The following CSGALNACT1 variants were observed in gnomAD, a reference collection of about 807,000 sequenced individuals.
The protein encoded by CSGALNACT1 is beta4GalNAcT-1.
A neutral mutation model predicts 51.0 loss-of-function variants in CSGALNACT1; 52 were observed. The observed-to-expected ratio is 1.02, with a 90% CI of 0.82 to 1.29. CSGALNACT1 has a LOEUF of 1.29. Among genes scored for constraint, CSGALNACT1 ranks in the 50% most tolerant of loss-of-function variants. The probability of loss-of-function intolerance (pLI) is 0.00; values close to 1 mark genes in which losing one functional copy is unlikely to be tolerated. For missense variants in CSGALNACT1, 935 were observed against 679.2 expected, an observed-to-expected ratio of 1.38 and a Z score of -4.19; for synonymous variants, 341 against 254.4, an observed-to-expected ratio of 1.34 and a Z score of -3.24.
At chr8:19,654,283 T>C (rs922941446) in intron 1 of CSGALNACT1, among the ~76,000 whole-genome samples, 1 of 152,190 alleles carries the variant, frequency 6.6e-6, no homozygotes, top group Admixed American at 6.5e-5. Flanking sequence ...CCAGTTAGCA[T>C]GGTAACAAGC....
intron 1 of CSGALNACT1, among the ~76,000 whole-genome samples, chr8:19,618,671 AAGAAAG>A: frequency 6.7e-6 from 1 of 149,802 alleles, no homozygotes; most frequent in African/African-American, 2.5e-5. Flanking sequence ...GAAAGAAAGA[AAGAAAG>A]AGAAAAAAAA....
intron 1 of CSGALNACT1, among the ~76,000 whole-genome samples, chr8:19,735,454 T>C: frequency 6.6e-6 from 1 of 151,952 alleles, no homozygotes; most frequent in East Asian, 1.9e-4. Flanking sequence ...CCAATGACCA[T>C]AAGCTCAAAT....
intron 3 of CSGALNACT1, among the ~76,000 whole-genome samples, chr8:19,550,931 A>C (rs986225813): frequency 3.9e-5 from 6 of 152,192 alleles, no homozygotes; most frequent in African/African-American, 1.2e-4. Context: ...TCTGGAAAAC[A>C]TACCTGCAAG....
Position 19,433,569 on chromosome 8 carries a change from T to C in CSGALNACT1, c.953+6261A>G, listed in dbSNP as rs951011774. On this transcript the variant is annotated intron_variant, in intron 6 of 9. Transcript: ENST00000454498. ...AATTGTTTTAGACAAATGCTCTCCC[T>C]GAAGAAAATACTTTCTGCATTGGAA... 4.6e-5 allele frequency among the ~76,000 whole-genome samples: 7 copies of C among 152,236 alleles called. No homozygotes were observed. In the South Asian group the frequency reaches 1.4e-3, roughly 32 times the overall value.
chr8:19,706,013 C>G (rs955303880), intron 1 of CSGALNACT1, among the ~76,000 whole-genome samples: 2 of 152,128 alleles, frequency 1.3e-5, no homozygotes, highest in East Asian at 1.9e-4. Flanking sequence ...GCAAAAAAAT[C>G]TGGAGGTGCA....
At chr8:19,644,709 CAAAAAAA>C (rs756025465) in intron 1 of CSGALNACT1, among the ~76,000 whole-genome samples, 35 of 22,272 alleles carry the variant, frequency 1.6e-3, no homozygotes, top group South Asian at 2.1e-3. Flanking sequence ...GACTCCGTCT[CAAAAAAA>C]AAAAAAAAAA....
At chr8:19,404,669 AC>A (rs775010744) in exon 10 of CSGALNACT1, 22 of 453,784 alleles carry the variant, frequency 4.8e-5, no homozygotes, top group Non-Finnish European at 9.3e-5. Flanking sequence ...CAGGAGGAGC[AC>A]CCTGTTTTGA....
At chr8:19,602,058 A>T (rs2050553498) in exon 1 of CSGALNACT1, 1 of 318,792 alleles carries the variant, frequency 3.1e-6, no homozygotes, top group African/African-American at 2.2e-5. Flanking sequence ...TATTTGTTTA[A>T]AAAAAAATCA....
exon 4 of CSGALNACT1, chr8:19,505,473 A>G: frequency 6.2e-7 from 1 of 1,614,192 alleles, no homozygotes; most frequent in Non-Finnish European, 8.5e-7. Flanking sequence ...CAGGAAGGCC[A>G]GGAGGTCGGC....
intron 3 of CSGALNACT1, among the ~76,000 whole-genome samples, chr8:19,569,245 C>T (rs1024269868): frequency 6.6e-6 from 1 of 152,082 alleles, no homozygotes; most frequent in African/African-American, 2.4e-5. Context: ...GCATAATGTG[C>T]TTGACTATTT....
chr8:19,533,719 G>A (rs762521189), intron 3 of CSGALNACT1, among the ~76,000 whole-genome samples: 11 of 152,062 alleles, frequency 7.2e-5, no homozygotes, highest in Non-Finnish European at 1.2e-4. Context: ...GCAGAATAAC[G>A]CTTAGTTTCA....
At chr8:19,404,435 T>TA in exon 10 of CSGALNACT1, 1 of 453,250 alleles carries the variant, frequency 2.2e-6, no homozygotes, top group Non-Finnish European at 4.4e-6. Flanking sequence ...TATTTATTTT[T>TA]AAAAAATAGT....
At chr8:19,516,767 T>C (rs1016701474) in intron 3 of CSGALNACT1, among the ~76,000 whole-genome samples, 1 of 152,214 alleles carries the variant, frequency 6.6e-6, no homozygotes, top group Non-Finnish European at 1.5e-5. Flanking sequence ...CCATTACTCC[T>C]TGGGCCTGGC....
At chr8:19,551,513 G>T (rs144701822) in intron 3 of CSGALNACT1, among the ~76,000 whole-genome samples, 1 of 152,124 alleles carries the variant, frequency 6.6e-6, no homozygotes, top group African/African-American at 2.4e-5. Context: ...TCTCCCTGTC[G>T]GTTCACTGGC....
At chr8:19,662,706 A>C (rs997417790) in intron 1 of CSGALNACT1, among the ~76,000 whole-genome samples, 1 of 152,170 alleles carries the variant, frequency 6.6e-6, no homozygotes, top group Non-Finnish European at 1.5e-5. Flanking sequence ...TCTGAAAGAC[A>C]TATTTGTCCT....
chr8:19,745,195 T>C (rs978826201), intron 1 of CSGALNACT1, among the ~76,000 whole-genome samples: 1 of 152,226 alleles, frequency 6.6e-6, no homozygotes, highest in Non-Finnish European at 1.5e-5. Flanking sequence ...GTTTAGCACA[T>C]AGTAAAACTT....
chr8:19,519,071 T>G (rs980959164), intron 3 of CSGALNACT1, among the ~76,000 whole-genome samples: 1 of 152,188 alleles, frequency 6.6e-6, no homozygotes, highest in African/African-American at 2.4e-5. Context: ...TTTTAAAACA[T>G]TCTTTAGACA....
intron 4 of CSGALNACT1, among the ~76,000 whole-genome samples, chr8:19,474,522 T>C (rs973862729): frequency 1.3e-5 from 2 of 152,124 alleles, no homozygotes; most frequent in African/African-American, 4.8e-5. Context: ...TGGAGAGATA[T>C]GCTTCGGCTG....
At position 19,542,200 on chromosome 8, in the gene CSGALNACT1, A is replaced by AACACACACACACACAC. The variant is rs55968136; in HGVS notation, c.-296-36086_-296-36071dup. Among the ~76,000 whole-genome samples the AACACACACACACACAC allele has an allele frequency of 9.8e-3, 1,415 of 144,004 alleles. 30 individuals are homozygous for AACACACACACACACAC. Among genetic ancestry groups the AACACACACACACACAC allele is most frequent in the African/African-American group, 0.032 (1,228 of 38,926 alleles). 94.5% of individuals were successfully genotyped at this position (144,004 alleles called of 152,430 possible). ...AAGAAAGAAGAGAGACAGCACAAGA[A>AACACACACACACACAC]ACACACACACACACACACACACACA... On this transcript the variant is annotated intron_variant, in intron 3 of 9. Transcript: ENST00000454498.
Sources: gnomAD v4.1 joint callset for allele counts (sites outside exome capture counted in the v4.1 genomes callset) on GRCh38, gnomAD v4.1.1 for gene constraint, MANE v1.5 for transcripts, NCBI Gene and HGNC (gene_info 2026-07-23, HGNC 2026-07-21) for gene names.